The following EHBP1 variants were observed in gnomAD, a reference collection of about 807,000 sequenced individuals.
EHBP1 encodes the protein EH domain binding protein 1.
In EHBP1, 55 loss-of-function variants were observed where a neutral mutation model predicts 144.0. The ratio of observed to expected loss-of-function variants is 0.38; its 90% CI spans 0.31 to 0.48. EHBP1 has a LOEUF of 0.48. EHBP1 is among the 20% of genes least tolerant of loss of function. The pLI, the probability that EHBP1 is intolerant of heterozygous loss-of-function variation, is 0.98. For missense variants in EHBP1, 1,200 were observed against 1,364.2 expected (o/e 0.88, Z 1.90); for synonymous variants, 469 against 472.7 (o/e 0.99, Z 0.10).
rs1182950313 is a variant in EHBP1 at position 62,874,484 on chromosome 2, A to T, written c.1137A>T (p.Leu379Phe). The T allele has an allele frequency of 6.2e-7, 1 of 1,609,900 alleles. No individual in the cohort carries two copies. Among genetic ancestry groups the T allele is most frequent in the Non-Finnish European group, 8.5e-7 (1 of 1,178,364 alleles). The change falls in exon 10 of 23, where the codon TTA becomes TTT. Residue 379 changes from leucine to phenylalanine, a missense_variant. By Grantham distance (22) the Leu-to-Phe change is conservative (BLOSUM62 0). Transcript: ENST00000431489. ...TCCTCTCACCAAAAACAGGAGTATT[A>T]AATGAAAACACAGTTTCTGCAGGAA... Reference protein sequence around the residue: ...PPVLSPKTGVLNENTVSAGKD... With the variant: ...PPVLSPKTGVFNENTVSAGKD...
At chr2:62,938,849 T>C (rs2056561399) in intron 10 of EHBP1, among the ~76,000 whole-genome samples, 1 of 152,208 alleles carries the variant, frequency 6.6e-6, no homozygotes, top group East Asian at 1.9e-4. Context: ...AAACTTTTTA[T>C]GATCTTGAAG....
intron 21 of EHBP1, among the ~76,000 whole-genome samples, chr2:63,040,985 A>G (rs1027799543): frequency 3.3e-5 from 5 of 152,210 alleles, no homozygotes; most frequent in African/African-American, 1.2e-4. Flanking sequence ...TTTAAAGTTC[A>G]TTTCTCTTTT....
At chr2:62,898,955 C>T (rs921951022) in intron 10 of EHBP1, among the ~76,000 whole-genome samples, 3 of 152,160 alleles carry the variant, frequency 2.0e-5, no homozygotes, top group Non-Finnish European at 4.4e-5. Context: ...AGAATATGCA[C>T]CTACACGCAG....
chr2:62,888,294 G>GTTA (rs1384714665), intron 10 of EHBP1, among the ~76,000 whole-genome samples: 2 of 152,198 alleles, frequency 1.3e-5, no homozygotes, highest in Non-Finnish European at 2.9e-5. Context: ...TAAACTCAAA[G>GTTA]AACCAGTAAC....
chr2:62,791,263 T>C (rs910519611), intron 5 of EHBP1, among the ~76,000 whole-genome samples: 1 of 152,014 alleles, frequency 6.6e-6, no homozygotes, highest in African/African-American at 2.4e-5. Flanking sequence ...TCTAGAAAAA[T>C]TGAATTTTTT....
intron 8 of EHBP1, among the ~76,000 whole-genome samples, chr2:62,862,582 C>T (rs1191440200): frequency 6.6e-6 from 1 of 152,098 alleles, no homozygotes; most frequent in Non-Finnish European, 1.5e-5. Flanking sequence ...TGCACCATTG[C>T]ACTCCAGCCT....
At chr2:62,854,828 A>C (rs1046418252) in intron 7 of EHBP1, among the ~76,000 whole-genome samples, 11 of 152,166 alleles carry the variant, frequency 7.2e-5, no homozygotes, top group African/African-American at 2.4e-4. Flanking sequence ...GAGGCCACAC[A>C]CTCCAAGCAG....
At chr2:62,844,867 C>CA (rs1376447424) in intron 7 of EHBP1, among the ~76,000 whole-genome samples, 1 of 152,156 alleles carries the variant, frequency 6.6e-6, no homozygotes, top group Non-Finnish European at 1.5e-5. Context: ...GCATGACCTA[C>CA]ATAGGCCAAG....
chr2:62,963,811 A>G (rs570858759), intron 14 of EHBP1, among the ~76,000 whole-genome samples: 3 of 152,320 alleles, frequency 2.0e-5, no homozygotes, highest in South Asian at 2.1e-4. Context: ...TTATTCTCCT[A>G]TGAGCTGGAA....
At chr2:62,901,309 T>G (rs1238977164) in intron 10 of EHBP1, among the ~76,000 whole-genome samples, 1 of 152,198 alleles carries the variant, frequency 6.6e-6, no homozygotes, top group African/African-American at 2.4e-5. Flanking sequence ...TTGGGTCAGA[T>G]GCATATGAAT....
At chr2:62,770,862 A>T (rs778912928) in intron 4 of EHBP1, among the ~76,000 whole-genome samples, 34 of 152,206 alleles carry the variant, frequency 2.2e-4, no homozygotes, top group Non-Finnish European at 3.4e-4. Flanking sequence ...TGGAACATGG[A>T]TGGAGCTGGA....
chr2:62,820,027 A>G (rs186553996), intron 5 of EHBP1, among the ~76,000 whole-genome samples: 1 of 152,078 alleles, frequency 6.6e-6, no homozygotes, highest in East Asian at 1.9e-4. Context: ...CCTGGCCAAC[A>G]TGGTGAAATC....
chr2:62,748,364 T>C (rs2039351438), intron 3 of EHBP1, among the ~76,000 whole-genome samples: 2 of 152,032 alleles, frequency 1.3e-5, no homozygotes, highest in Admixed American at 6.6e-5. Context: ...ATTTAAAAAA[T>C]TCTATCCTGG....
At chr2:62,824,904 A>T (rs879792215) in intron 5 of EHBP1, among the ~76,000 whole-genome samples, 1 of 151,924 alleles carries the variant, frequency 6.6e-6, no homozygotes, top group African/African-American at 2.4e-5. Context: ...TAATAGTTCA[A>T]AGGTATTAAT....
intron 1 of EHBP1, among the ~76,000 whole-genome samples, chr2:62,688,624 C>T (rs2033799384): frequency 1.3e-5 from 2 of 152,212 alleles, no homozygotes; most frequent in South Asian, 4.2e-4. Flanking sequence ...CTATTCCCCT[C>T]TTTCTCTTAT....
At chr2:62,962,220 G>A (rs987139665) in intron 14 of EHBP1, among the ~76,000 whole-genome samples, 2 of 152,170 alleles carry the variant, frequency 1.3e-5, no homozygotes, top group Admixed American at 1.3e-4. Flanking sequence ...CAGCTACTCG[G>A]GAGGCTGAGG....
At chr2:62,698,965 C>G (rs2034192114) in intron 1 of EHBP1, among the ~76,000 whole-genome samples, 2 of 152,170 alleles carry the variant, frequency 1.3e-5, no homozygotes, top group Non-Finnish European at 2.9e-5. Context: ...TGGAGTTTTG[C>G]CTGCTTTCAG....
chr2:63,001,958 G>T (rs895341080), intron 19 of EHBP1, among the ~76,000 whole-genome samples: 3 of 152,148 alleles, frequency 2.0e-5, no homozygotes, highest in African/African-American at 7.2e-5. Context: ...TATGCAAAAA[G>T]ATACCTAGCC....
At chr2:63,031,827 G>A (rs1447184167) in intron 19 of EHBP1, among the ~76,000 whole-genome samples, 1 of 152,104 alleles carries the variant, frequency 6.6e-6, no homozygotes, top group African/African-American at 2.4e-5. Flanking sequence ...AACACGAGAG[G>A]CTGAGGCCAG....
Sources: allele counts gnomAD v4.1 joint callset (sites outside exome capture counted in the v4.1 genomes callset), GRCh38; gene constraint gnomAD v4.1.1; transcripts MANE v1.5; gene names NCBI Gene and HGNC (gene_info 2026-07-23, HGNC 2026-07-21).